Variants in TRHDE observed in about 807,000 individuals in gnomAD.
The protein encoded by TRHDE is thyrotropin-releasing hormone-degrading ectoenzyme.
A neutral mutation model predicts 125.7 loss-of-function variants in TRHDE; 72 were observed. That is an observed-to-expected ratio of 0.57 (90% CI 0.47 to 0.70). The LOEUF (loss-of-function observed/expected upper bound fraction) is 0.70, where lower values mean the gene tolerates loss of function less well. Ranked by LOEUF, TRHDE falls within the 30% of genes least tolerant of loss-of-function variation. The pLI is 0.00. For missense variants in TRHDE, 1,110 were observed against 1,327.1 expected (o/e 0.84, Z 2.54); for synonymous variants, 509 against 509.1 (o/e 1.00, Z 0.00).
At chr12:72,609,191 T>C (rs1872553221) in intron 12 of TRHDE, among the ~76,000 whole-genome samples, 2 of 152,272 alleles carry the variant, frequency 1.3e-5, no homozygotes, top group South Asian at 4.1e-4. Context: ...GAAACACATG[T>C]TTAGCTTAAT....
At chr12:72,379,382 T>C (rs1872043363) in intron 3 of TRHDE, among the ~76,000 whole-genome samples, 2 of 152,234 alleles carry the variant, frequency 1.3e-5, no homozygotes, top group Non-Finnish European at 2.9e-5. Flanking sequence ...TTTCCTTCTC[T>C]TTTCTCCCTG....
chr12:72,478,126 G>A (rs1264976108), intron 5 of TRHDE, among the ~76,000 whole-genome samples: 1 of 152,142 alleles, frequency 6.6e-6, no homozygotes, highest in African/African-American at 2.4e-5. Flanking sequence ...CTCCTCTGAA[G>A]TAATAAACTA....
intron 2 of TRHDE, among the ~76,000 whole-genome samples, chr12:72,206,728 G>A (rs918537393): frequency 6.6e-6 from 1 of 151,766 alleles, no homozygotes; most frequent in Non-Finnish European, 1.5e-5. Context: ...GTTCCAAAAT[G>A]AAAATTTTAA....
chr12:72,214,727 GA>G (rs920705796), intron 2 of TRHDE, among the ~76,000 whole-genome samples: 2 of 151,866 alleles, frequency 1.3e-5, no homozygotes, highest in African/African-American at 4.8e-5. Context: ...TGTTTTTGAA[GA>G]AAAAAACAGA....
chr12:72,135,862 A>ATT (rs544076259), intron 2 of TRHDE, among the ~76,000 whole-genome samples: 89 of 147,444 alleles, frequency 6.0e-4, no homozygotes, highest in African/African-American at 2.0e-3. Context: ...ATTCTCTATG[A>ATT]TTTTTTTTTT....
At chr12:72,423,951 A>G (rs974539129) in intron 3 of TRHDE, among the ~76,000 whole-genome samples, 4 of 152,180 alleles carry the variant, frequency 2.6e-5, no homozygotes, top group Non-Finnish European at 2.9e-5. Flanking sequence ...AGCTGCAAAG[A>G]AGACAAGAAA....
chr12:72,106,359 G>C (rs1007140183), intron 2 of TRHDE, among the ~76,000 whole-genome samples: 1 of 151,962 alleles, frequency 6.6e-6, no homozygotes, highest in Non-Finnish European at 1.5e-5. Context: ...ATTGTTAATT[G>C]ATTTTAGTTA....
At chr12:72,566,978 A>G (rs17111405) in intron 9 of TRHDE, among the ~76,000 whole-genome samples, 10,816 of 151,976 alleles carry the variant, frequency 0.071, 464 homozygotes, top group Middle Eastern at 0.12. Context: ...ATTTAATTTG[A>G]GAATCAGACT....
intron 3 of TRHDE, among the ~76,000 whole-genome samples, chr12:72,379,240 T>A (rs117097739): frequency 6.6e-6 from 1 of 152,364 alleles, no homozygotes; most frequent in Non-Finnish European, 1.5e-5. Flanking sequence ...GTTGATATTG[T>A]TATCAATGGG....
chr12:72,227,297 A>G (rs1046886976), intron 2 of TRHDE, among the ~76,000 whole-genome samples: 1 of 152,224 alleles, frequency 6.6e-6, no homozygotes, highest in Non-Finnish European at 1.5e-5. Flanking sequence ...AAGGCATCAC[A>G]GTCATGAAAG....
intron 2 of TRHDE, among the ~76,000 whole-genome samples, chr12:72,371,489 C>A (rs1871585237): frequency 6.6e-6 from 1 of 151,428 alleles, no homozygotes; most frequent in Admixed American, 6.6e-5. Flanking sequence ...GTGCTGCACC[C>A]ATTAACTCGT....
chr12:72,313,251 C>CT (rs2135701886), intron 2 of TRHDE, among the ~76,000 whole-genome samples: 1 of 152,004 alleles, frequency 6.6e-6, no homozygotes, highest in South Asian at 2.1e-4. Flanking sequence ...TGTAGAACAC[C>CT]TGATAGACCA....
intron 12 of TRHDE, among the ~76,000 whole-genome samples, chr12:72,608,819 A>T (rs1415248876): frequency 2.0e-5 from 3 of 152,206 alleles, no homozygotes; most frequent in African/African-American, 7.2e-5. Flanking sequence ...ATAAACAATT[A>T]TCCCCAGTTC....
rs1875175337 is a variant in TRHDE, at chr12:72,668,530, A to G, written c.*5335A>G. 6.6e-6 allele frequency: 1 copy of G among 151,832 alleles called. No individual in the cohort carries two copies. Among genetic ancestry groups the G allele is most frequent in the Non-Finnish European group, 1.5e-5 (1 of 67,818 alleles). The allele number at this position is 151,832 out of a possible 1,614,324, so 9.4% of individuals were successfully genotyped here. On this transcript the variant is annotated 3_prime_UTR_variant, in exon 19 of 19. Transcript: ENST00000261180. Reference sequence around the variant, plus strand: ...ACATTCCTAGTTCATTTATTAATGTACTAAGAAAAAGAAAACAAAATGACT... The same window carrying G: ...ACATTCCTAGTTCATTTATTAATGTGCTAAGAAAAAGAAAACAAAATGACT...
intron 6 of TRHDE, among the ~76,000 whole-genome samples, chr12:72,503,977 AG>A (rs1171591318): frequency 1.3e-5 from 2 of 152,194 alleles, no homozygotes; most frequent in African/African-American, 2.4e-5. Context: ...CAGAGTGGGT[AG>A]GCCCCCTGGG....
chr12:72,601,720 G>A (rs1024930385), intron 12 of TRHDE, among the ~76,000 whole-genome samples: 8 of 152,126 alleles, frequency 5.3e-5, no homozygotes, highest in African/African-American at 1.7e-4. Context: ...TTAGATGATT[G>A]TCAGCTTTTT....
At chr12:72,551,615 ATTTATTATGCATCTAG>A (rs1869676611) in intron 7 of TRHDE, among the ~76,000 whole-genome samples, 1 of 152,124 alleles carries the variant, frequency 6.6e-6, no homozygotes, top group African/African-American at 2.4e-5. Flanking sequence ...TTCCACATGT[ATTTATTATGCATCTAG>A]TCTATGTCAG....
intron 6 of TRHDE, 51 bp downstream of exon 6, chr12:72,499,686 T>G (rs748930199): frequency 6.3e-7 from 1 of 1,594,864 alleles, no homozygotes; most frequent in South Asian, 1.1e-5. Context: ...CCAAGATAGC[T>G]AAACTAATTC....
At chr12:72,333,739 A>C (rs1444580401) in intron 2 of TRHDE, among the ~76,000 whole-genome samples, 1 of 152,220 alleles carries the variant, frequency 6.6e-6, no homozygotes, top group Non-Finnish European at 1.5e-5. Context: ...AGATTGAGCG[A>C]GTGCTTTGAA....
Sources: gnomAD v4.1 joint callset for allele counts (sites outside exome capture counted in the v4.1 genomes callset) on GRCh38, gnomAD v4.1.1 for gene constraint, MANE v1.5 for transcripts, NCBI Gene and HGNC (gene_info 2026-07-23, HGNC 2026-07-21) for gene names.